Variants in ABCC5 observed in about 807,000 individuals in gnomAD.
The protein encoded by ABCC5 is ATP-binding cassette sub-family C member 5.
ABCC5 carries 61 observed loss-of-function variants against 160.9 expected under a neutral mutation model. The ratio of observed to expected loss-of-function variants is 0.38; its 90% CI spans 0.31 to 0.47. The LOEUF (loss-of-function observed/expected upper bound fraction) is 0.47. Among genes scored for constraint, ABCC5 ranks in the 20% least tolerant of loss-of-function variants. The probability of loss-of-function intolerance (pLI) is 0.99; values close to 1 mark genes in which losing one functional copy is unlikely to be tolerated. For synonymous variants in ABCC5, 666 were observed against 700.6 expected (o/e 0.95, Z 0.78); for missense variants, 1,308 against 1,813.3 (o/e 0.72, Z 5.06).
intron 15 of ABCC5, among the ~76,000 whole-genome samples, 178 bp from the exon 16 acceptor site, chr3:183,961,832 C>T (rs974612404): frequency 5.3e-5 from 8 of 152,060 alleles, no homozygotes; most frequent in Non-Finnish European, 7.4e-5. Context: ...CACGCTGGAG[C>T]GTGGTGGCGC....
intron 29 of ABCC5, among the ~76,000 whole-genome samples, chr3:183,924,675 G>A (rs1003454232): frequency 6.6e-6 from 1 of 152,150 alleles, no homozygotes; most frequent in Non-Finnish European, 1.5e-5. Context: ...AGCACTGCTG[G>A]GGCCCTAAAG....
In ABCC5 at chr3:183,987,792, T is replaced by G; in HGVS notation, c.569A>C (p.Gln190Pro). 1 of 1,614,196 alleles carries G rather than the reference T, an allele frequency of 6.2e-7. No individual in the cohort carries two copies. The highest frequency in any genetic ancestry group is 8.5e-7 in the Non-Finnish European group (1 of 1,180,036). ...ILSIVCLMIT[Q>P]LAGFSGPAFM... ...TACTGGTCCACTGAAGCCAGCCAGC[T>G]GCGTGATCATCAGGCACACGATGGA... The change falls in exon 5 of 30, where the codon CAG (glutamine) becomes CCG (proline). Residue 190 changes from glutamine to proline, a missense_variant. Physicochemically the swap from Gln to Pro is moderately conservative, Grantham distance 76. Transcript: ENST00000334444. The surrounding 1 kb of genome is among the most constrained non-coding windows in gnomAD (Gnocchi z 4.2).
At chr3:183,957,887 T>C (rs377106293) in intron 17 of ABCC5, among the ~76,000 whole-genome samples, 5,333 of 106,038 alleles carry the variant, frequency 0.05, 310 homozygotes, top group African/African-American at 0.18. Flanking sequence ...TCCGTGTGTA[T>C]ATCACATCGG....
chr3:183,979,646 T>C (rs979729261), intron 8 of ABCC5, among the ~76,000 whole-genome samples: 1 of 152,088 alleles, frequency 6.6e-6, no homozygotes, highest in African/African-American at 2.4e-5. Flanking sequence ...AGTGGCACAA[T>C]CACGGCTCAC....
rs1713917030 is a variant in ABCC5 at position 183,938,046 on chromosome 3, C to T, written c.3709G>A (p.Gly1237Arg). The T allele has an allele frequency of 6.2e-7, 1 of 1,613,962 alleles. No homozygotes were observed. The highest frequency in any genetic ancestry group is 1.3e-5 in the African/African-American group (1 of 74,936). Residue 1237 changes from glycine (G) to arginine (R), a missense_variant, in exon 26 of 30, where the codon GGG becomes AGG. This residue lies in a region of ABCC5 where 163 missense variants were observed against 269.7 expected (regional missense o/e 0.60). Transcript: ENST00000334444. ...TCCACCAGACGGAAGAGGGCCATCC[C>T]CAGCGAGGACTTCCCTGATGAGTCA... is the stretch of plus-strand genomic sequence containing the variant. ...GRTGSGKSSLGMALFRLVELS... is the reference protein window; with the variant it reads ...GRTGSGKSSLRMALFRLVELS...
Position 184,017,772 on chromosome 3 carries a change from G to T in ABCC5, c.-56+58C>A. On this transcript the variant is annotated intron_variant, in intron 1 of 29. Coordinates refer to ENST00000334444, the MANE Select transcript of ABCC5 (RefSeq NM_005688.4). The surrounding 1 kb of genome is among the most constrained non-coding windows in gnomAD (Gnocchi z 4.5). ...GCCACGCCCCGAGGAAATGCAAAGG[G>T]GTGATCCCCGTGACAACCGAGCTGG... 1 of 152,586 alleles carries T rather than the reference G, an allele frequency of 6.6e-6. No homozygotes were observed. The highest frequency in any genetic ancestry group is 6.5e-5 in the Admixed American group (1 of 15,314). 9.5% of individuals were successfully genotyped at this position (152,586 alleles called of 1,614,324 possible).
rs1577491005 is a variant in ABCC5 at position 183,945,763 on chromosome 3, C to T, written c.3504+87G>A. 3.9e-6 allele frequency: 4 copies of T among 1,022,212 alleles called. 1 individual carries two copies. The Admixed American group carries it at 6.8e-5, about 17-fold the overall frequency. The allele number at this position is 1,022,212 out of a possible 1,614,324, so 63.3% of individuals were successfully genotyped here. On this transcript the variant is annotated intron_variant, in intron 24 of 29. Transcript: ENST00000334444. ...TTAGATAGGCAGAGAACACAAGCCT[C>T]CTCCTTGTACACCCAGCTGAGGCAG...
chr3:184,002,398 C>CAA (rs541060257), intron 2 of ABCC5, among the ~76,000 whole-genome samples: 1 of 105,670 alleles, frequency 9.5e-6, no homozygotes, highest in Non-Finnish European at 2.0e-5. Context: ...GACTCCGTCT[C>CAA]AAAAAAAAAA....
In ABCC5 at chr3:183,965,375, G is replaced by A. The variant is rs1240891667; in HGVS notation, c.1958+2C>T. On this transcript the variant is annotated splice_donor_variant, in intron 13 of 29. Coordinates refer to ENST00000334444, the MANE Select transcript of ABCC5 (RefSeq NM_005688.4). LOFTEE classifies it low-confidence loss of function (GC_TO_GT_DONOR). ...GCATGACAGAAGCCAAACATTCCTT[G>A]CCTTTCTTCATCATATTCCTTCCCA... 1 of 1,613,998 alleles carries A rather than the reference G, an allele frequency of 6.2e-7. No homozygotes were observed. The highest frequency in any genetic ancestry group is 8.5e-7 in the Non-Finnish European group (1 of 1,180,034).
chr3:183,995,620 A>G (rs1422125491), intron 2 of ABCC5, among the ~76,000 whole-genome samples: 3 of 152,056 alleles, frequency 2.0e-5, no homozygotes, highest in African/African-American at 7.2e-5. Context: ...TCTAGACTCT[A>G]TTTCATTGAT....
intron 26 of ABCC5, among the ~76,000 whole-genome samples, chr3:183,935,825 T>A (rs1713658966): frequency 6.6e-6 from 1 of 152,254 alleles, no homozygotes; most frequent in Non-Finnish European, 1.5e-5. Flanking sequence ...TTTCTTCTGA[T>A]ATTGCTTGTC....
At position 183,951,656 on chromosome 3, in the gene ABCC5, C is replaced by A; in HGVS notation, c.2815-86G>T. The A allele has an allele frequency of 1.3e-6, 2 of 1,552,616 alleles. No individual in the cohort carries two copies. The highest frequency in any genetic ancestry group is 1.7e-6 in the Non-Finnish European group (2 of 1,147,764). ...AGAACCGCTCCGCAGCACATCCACT[C>A]CCAAAGCGGGGAGGTGTGAGGGGTC... On this transcript the variant is annotated intron_variant, in intron 19 of 29. Coordinates refer to ENST00000334444, the MANE Select transcript of ABCC5 (RefSeq NM_005688.4). The surrounding 1 kb of genome is among the most constrained non-coding windows in gnomAD (Gnocchi z 4.7).
At chr3:183,924,010 C>CTTTTT (rs200040197) in intron 29 of ABCC5, among the ~76,000 whole-genome samples, 46 of 112,792 alleles carry the variant, frequency 4.1e-4, no homozygotes, top group Non-Finnish European at 6.2e-4. Context: ...TTACTGTTTG[C>CTTTTT]TTTTTTTTTT....
In ABCC5 at chr3:183,966,857, G is replaced by A. The variant is rs114774601; in HGVS notation, c.1833+838C>T. 4.8e-3 allele frequency among the ~76,000 whole-genome samples: 723 copies of A among 152,200 alleles called. 7 individuals carry two copies. The highest frequency in any genetic ancestry group is 0.016 in the African/African-American group (670 of 41,510). On this transcript the variant is annotated intron_variant, in intron 12 of 29. Transcript: ENST00000334444. ...AGACAAGAAAGCATTCCATAATCTGGGGGCTACAAAAGCACCCCTGCTCCC... is the reference window on the plus strand; with the variant it reads ...AGACAAGAAAGCATTCCATAATCTGAGGGCTACAAAAGCACCCCTGCTCCC...
intron 29 of ABCC5, among the ~76,000 whole-genome samples, chr3:183,922,009 C>T (rs183815821): frequency 4.0e-4 from 60 of 149,394 alleles, no homozygotes; most frequent in Non-Finnish European, 8.3e-4. Flanking sequence ...CCAGGCTGGG[C>T]GACACAACGA....
intron 2 of ABCC5, among the ~76,000 whole-genome samples, chr3:183,995,073 T>C (rs970359758): frequency 3.3e-5 from 5 of 151,984 alleles, no homozygotes; most frequent in Admixed American, 6.6e-5. Flanking sequence ...CTTGAACTCC[T>C]GGGCTCAAGC....
intron 10 of ABCC5, among the ~76,000 whole-genome samples, chr3:183,972,252 A>G (rs1001106617): frequency 1.8e-4 from 27 of 152,206 alleles, no homozygotes; most frequent in African/African-American, 6.5e-4. Flanking sequence ...TCTAAGGAGT[A>G]GTAAAAAGCA....
chr3:183,987,855 C>T lies in ABCC5; in HGVS notation c.506G>A (p.Arg169Lys), dbSNP rs778054659. 3.0e-5 allele frequency: 49 copies of T among 1,614,210 alleles called. No individual in the cohort carries two copies. The highest frequency in any genetic ancestry group is 4.0e-5 in the Non-Finnish European group (47 of 1,180,032). The change falls in exon 5 of 30, where the codon AGG (arginine) becomes AAG (lysine). Residue 169 changes from arginine to lysine, a missense_variant. Physicochemically the swap from Arg to Lys is conservative, Grantham distance 26. This residue lies in a region of ABCC5 where 1,142 missense variants were observed against 1,527.1 expected (regional missense o/e 0.75). Transcript: ENST00000334444. This position sits in a 1 kb window ranked among gnomAD's most constrained non-coding sequence, Gnocchi z 4.2. ...EVGPDAASLR[R>K]VVWIFCRTRL... ...GGTGCGGCAGAAGATCCACACAACC[C>T]TTCGCAGGGAAGCAGCGTCTGGCCC... is the stretch of plus-strand genomic sequence containing the variant.
intron 8 of ABCC5, among the ~76,000 whole-genome samples, chr3:183,981,350 G>C (rs1172983588): frequency 6.6e-6 from 1 of 152,184 alleles, no homozygotes; most frequent in East Asian, 1.9e-4. Context: ...CCACAGAGTA[G>C]AGTGGGCAAA....
Sources: allele counts gnomAD v4.1 joint callset (sites outside exome capture counted in the v4.1 genomes callset), GRCh38; gene constraint gnomAD v4.1.1; regional missense constraint gnomAD v4.1.1; non-coding constraint Gnocchi (gnomAD v3.1); transcripts MANE v1.5; gene names NCBI Gene and HGNC (gene_info 2026-07-23, HGNC 2026-07-21).